The following PCDHGA1 variants were observed in gnomAD, a reference collection of about 807,000 sequenced individuals.
PCDHGA1 encodes protocadherin gamma-A1.
PCDHGA1 carries 32 observed loss-of-function variants against 58.0 expected under a neutral mutation model. That is an observed-to-expected ratio of 0.55 (90% CI 0.42 to 0.74). The LOEUF (loss-of-function observed/expected upper bound fraction) is 0.74. Among genes scored for constraint, PCDHGA1 ranks in the 30% least tolerant of loss-of-function variants. The probability of loss-of-function intolerance (pLI) is 0.00; values close to 1 mark genes in which losing one functional copy is unlikely to be tolerated. For missense variants in PCDHGA1, 1,205 were observed against 1,182.3 expected (o/e 1.02, Z -0.28); for synonymous variants, 498 against 501.1 (o/e 0.99, Z 0.08).
In PCDHGA1 at chr5:141,383,840, T is replaced by C. The variant is rs190731749; in HGVS notation, c.2421+50735T>C. 1.9e-6 allele frequency: 3 copies of C among 1,613,952 alleles called. No homozygotes were observed. In the East Asian group the frequency reaches 6.7e-5, roughly 36 times the overall value. Reference sequence around the variant, plus strand: ...GGATTAGATTATGAAGAAACTGCCTTCTATGAAATGGAGGTTCAGGCTCAA... The same window carrying C: ...GGATTAGATTATGAAGAAACTGCCTCCTATGAAATGGAGGTTCAGGCTCAA... On this transcript the variant is annotated intron_variant, in intron 1 of 3. Transcript: ENST00000517417.
At position 141,432,202 on chromosome 5, in the gene PCDHGA1, T is replaced by C; in HGVS notation, c.2422-62605T>C. 1 of 1,614,120 alleles carries C rather than the reference T, an allele frequency of 6.2e-7. No homozygotes were observed. The highest frequency in any genetic ancestry group is 1.1e-5 in the South Asian group (1 of 91,072). ...CTGTGACCGCCCACGACCCCGACTGTGAAGAGAACGCCCAGATCACTTATT... is the reference window on the plus strand; with the variant it reads ...CTGTGACCGCCCACGACCCCGACTGCGAAGAGAACGCCCAGATCACTTATT... On this transcript the variant is annotated intron_variant, in intron 1 of 3. Coordinates refer to ENST00000517417, the MANE Select transcript of PCDHGA1 (RefSeq NM_018912.3). The surrounding 1 kb of genome is among the most constrained non-coding windows in gnomAD (Gnocchi z 6.0).
chr5:141,382,128 C>T (rs1777984217), intron 1 of PCDHGA1, among the ~76,000 whole-genome samples: 3 of 152,026 alleles, frequency 2.0e-5, no homozygotes. Context: ...GCACCTGGCC[C>T]CCCCTCTCAT....
At chr5:141,427,416 G>T (rs1457696807) in intron 1 of PCDHGA1, 2 of 466,124 alleles carry the variant, frequency 4.3e-6, no homozygotes, top group South Asian at 3.1e-5. Flanking sequence ...GAGAGAAAAT[G>T]GGGAGGTTAC....
chr5:141,454,101 A>T (rs2098781558), intron 1 of PCDHGA1, among the ~76,000 whole-genome samples: 1 of 152,256 alleles, frequency 6.6e-6, no homozygotes. Flanking sequence ...ATTGAACATA[A>T]ATGGAGTTAT....
In PCDHGA1 at chr5:141,374,216, G is replaced by A. The variant is rs745786041; in HGVS notation, c.2421+41111G>A. On this transcript the variant is annotated intron_variant, in intron 1 of 3. Transcript: ENST00000517417. The stretch of plus-strand genomic sequence containing the variant: ...CGAGGAGCTGGAGAAAGGCTCCTTC[G>A]TAGGCAACATCGTCAAGGATCTGGG... The A allele has an allele frequency of 5.6e-6, 9 of 1,613,860 alleles. No individual in the cohort carries two copies. In the South Asian group the frequency reaches 7.7e-5, roughly 14 times the overall value.
At chr5:141,371,865 A>C (rs1048560743) in intron 1 of PCDHGA1, 1 of 1,613,506 alleles carries the variant, frequency 6.2e-7, no homozygotes, top group Middle Eastern at 1.6e-4. Context: ...CTCCTACTAC[A>C]TCGTGGCCAG....
At chr5:141,495,499 C>T (rs918858395) in intron 2 of PCDHGA1, among the ~76,000 whole-genome samples, 13 of 152,162 alleles carry the variant, frequency 8.5e-5, no homozygotes, top group African/African-American at 2.9e-4. Context: ...CTTGAGTTTC[C>T]GTCTTTGCCA....
Position 141,331,505 on chromosome 5 carries a change from A to C in PCDHGA1, c.821A>C (p.Asn274Thr), listed in dbSNP as rs915148958. The C allele has an allele frequency of 6.2e-7, 1 of 1,614,094 alleles. No individual in the cohort carries two copies. Among genetic ancestry groups the C allele is most frequent in the African/African-American group, 1.3e-5 (1 of 74,932 alleles). The change falls in exon 1 of 4, where the codon AAT becomes ACT. Residue 274 changes from asparagine (N) to threonine (T), a missense_variant. Asn to Thr is a moderately conservative substitution (Grantham distance 65). Coordinates refer to ENST00000517417, the MANE Select transcript of PCDHGA1 (RefSeq NM_018912.3). ...VNATDPDEGANGEVTYSFHNV... is the reference protein window; with the variant it reads ...VNATDPDEGATGEVTYSFHNV... ...GCCACTGACCCTGATGAGGGAGCCA[A>C]TGGGGAAGTAACGTACTCCTTTCAC... is the stretch of plus-strand genomic sequence containing the variant.
intron 1 of PCDHGA1, among the ~76,000 whole-genome samples, chr5:141,460,110 A>G (rs966038979): frequency 2.0e-5 from 3 of 151,894 alleles, no homozygotes; most frequent in African/African-American, 7.2e-5. Context: ...ATTATATATG[A>G]TTTTTATATA....
At chr5:141,409,745 T>C (rs968473065) in intron 1 of PCDHGA1, 8 of 1,613,074 alleles carry the variant, frequency 5.0e-6, no homozygotes, top group Non-Finnish European at 6.8e-6. Context: ...CGGGGTGGTG[T>C]TCGCGCAGCG....
chr5:141,419,549 T>C, intron 1 of PCDHGA1: 1 of 1,612,006 alleles, frequency 6.2e-7, no homozygotes, highest in Non-Finnish European at 8.5e-7. Context: ...GCGGGTGCTG[T>C]ACCCTGCGCT....
At chr5:141,410,178 C>G in intron 1 of PCDHGA1, 2 of 1,613,890 alleles carry the variant, frequency 1.2e-6, no homozygotes, top group South Asian at 1.1e-5. Flanking sequence ...GCCACCGCCA[C>G]GCTTCATCTG....
At position 141,511,574 on chromosome 5, in the gene PCDHGA1, GT is replaced by G. The variant is rs1158598698; in HGVS notation, c.*403del. ...CAGTTCCTCTTTCCCGAGTAAGGTG[GT>G]TGGGGTGTTGAAGTACCAAGTAACC... On this transcript the variant is annotated 3_prime_UTR_variant, in exon 4 of 4. Coordinates refer to ENST00000517417, the MANE Select transcript of PCDHGA1 (RefSeq NM_018912.3). 3.5e-6 allele frequency: 1 copy of G among 287,556 alleles called. No individual in the cohort carries two copies. The highest frequency in any genetic ancestry group is 2.2e-5 in the African/African-American group (1 of 46,340). 17.8% of individuals were successfully genotyped at this position (287,556 alleles called of 1,614,324 possible).
chr5:141,395,343 G>T (rs903122712), intron 1 of PCDHGA1: 1 of 1,396,676 alleles, frequency 7.2e-7, no homozygotes, highest in Non-Finnish European at 9.5e-7. Flanking sequence ...TTTTTAAGGT[G>T]TATCACAGAG....
chr5:141,466,206 T>C (rs2099118813), intron 1 of PCDHGA1, among the ~76,000 whole-genome samples: 1 of 152,126 alleles, frequency 6.6e-6, no homozygotes, highest in Admixed American at 6.5e-5. Flanking sequence ...AGCCTTGCTC[T>C]GTTACCCAGG....
intron 1 of PCDHGA1, chr5:141,391,541 G>T (rs2092385789): frequency 6.6e-6 from 1 of 152,056 alleles, no homozygotes; most frequent in South Asian, 2.1e-4. Flanking sequence ...GGTTTCCATT[G>T]TCTACCCAGT....
At chr5:141,385,033 C>A in intron 1 of PCDHGA1, 1 of 1,614,182 alleles carries the variant, frequency 6.2e-7, no homozygotes, top group South Asian at 1.1e-5. Flanking sequence ...CCTCGTACTG[C>A]TGGCGCTCAG....
chr5:141,490,903 C>G lies in PCDHGA1; in HGVS notation c.2422-3904C>G. 6.2e-7 allele frequency: 1 copy of G among 1,613,764 alleles called. No homozygotes were observed. The highest frequency in any genetic ancestry group is 1.7e-5 in the Admixed American group (1 of 60,022). On this transcript the variant is annotated intron_variant, in intron 1 of 3. Coordinates refer to ENST00000517417, the MANE Select transcript of PCDHGA1 (RefSeq NM_018912.3). This position sits in a 1 kb window ranked among gnomAD's most constrained non-coding sequence, Gnocchi z 5.4. ...CAACACATCTCTGCATGTGTTTGTC[C>G]TAGACGAGAATGATAATGCCCCAGC... is the stretch of plus-strand genomic sequence containing the variant.
At chr5:141,391,240 T>C (rs1388357484) in intron 1 of PCDHGA1, 1 of 152,150 alleles carries the variant, frequency 6.6e-6, no homozygotes, top group Non-Finnish European at 1.5e-5. Flanking sequence ...GCTAGGTATA[T>C]CTAAGCAACT....
Sources: allele counts gnomAD v4.1 joint callset (sites outside exome capture counted in the v4.1 genomes callset), GRCh38; gene constraint gnomAD v4.1.1; non-coding constraint Gnocchi (gnomAD v3.1); transcripts MANE v1.5; gene names NCBI Gene and HGNC (gene_info 2026-07-23, HGNC 2026-07-21).